GSE1: variants seen among roughly 807,000 people sequenced by gnomAD.
The protein encoded by GSE1 is Gse1 coiled-coil protein.
Under a neutral mutation model 112.6 loss-of-function variants are expected in GSE1, and 32 were observed. That is an observed-to-expected ratio of 0.28 (90% CI 0.21 to 0.38). GSE1 has a LOEUF of 0.38. GSE1 is among the 10% of genes least tolerant of loss of function. The probability of loss-of-function intolerance (pLI) is 1.00; values close to 1 mark genes in which losing one functional copy is unlikely to be tolerated. For synonymous variants in GSE1, 1,115 were observed against 735.6 expected, an observed-to-expected ratio of 1.52 and a Z score of -8.35; for missense variants, 2,348 against 1,699.2, an observed-to-expected ratio of 1.38 and a Z score of -6.71.
At chr16:85,207,829 TG>T in intron 1 of GSE1, 1 of 152,298 alleles carries the variant, frequency 6.6e-6, no homozygotes. Context: ...TGCTGGGTGC[TG>T]GGGATGTGAC....
chr16:85,171,005 C>T, exon 1 of GSE1: 1 of 985,532 alleles, frequency 1.0e-6, no homozygotes, highest in Non-Finnish European at 1.2e-6. Flanking sequence ...GATGCCCGGG[C>T]GGTCCCCTCC....
At chr16:85,504,423 C>T (rs927397937) in intron 2 of GSE1, among the ~76,000 whole-genome samples, 4 of 152,216 alleles carry the variant, frequency 2.6e-5, no homozygotes, top group Non-Finnish European at 4.4e-5. Context: ...AGGACAGCTG[C>T]AGCCCGCAGA....
At chr16:85,179,726 G>A (rs541275119) in intron 1 of GSE1, among the ~76,000 whole-genome samples, 26 of 152,286 alleles carry the variant, frequency 1.7e-4, no homozygotes, top group African/African-American at 6.0e-4. Flanking sequence ...TGAAGATGGC[G>A]ATCGTTTTTG....
chr16:85,271,581 C>T (rs1384534411), intron 1 of GSE1, among the ~76,000 whole-genome samples: 3 of 152,202 alleles, frequency 2.0e-5, no homozygotes, highest in Non-Finnish European at 4.4e-5. Flanking sequence ...CTTTGCAGCC[C>T]ACGCTGGCTT....
At chr16:85,426,471 A>T (rs1370423790) in intron 2 of GSE1, among the ~76,000 whole-genome samples, 5 of 33,520 alleles carry the variant, frequency 1.5e-4, no homozygotes, top group Non-Finnish European at 2.1e-4. Context: ...AAAGGGAGGG[A>T]GGGAGGGAGG....
At position 85,353,225 on chromosome 16, in the gene GSE1, G is replaced by A. The variant is rs191127787; in HGVS notation, c.2284-4238G>A. Reference sequence around the variant, plus strand: ...CGCAGTCTCACCTGGGGACTCGACCGGGGAAGAACCCACCTCCACACTCAC... The same window carrying A: ...CGCAGTCTCACCTGGGGACTCGACCAGGGAAGAACCCACCTCCACACTCAC... On this transcript the variant is annotated intron_variant, in intron 1 of 2. Transcript: ENST00000637419. 2.4e-3 allele frequency among the ~76,000 whole-genome samples: 362 copies of A among 152,260 alleles called. 2 individuals are homozygous for A. Among genetic ancestry groups the A allele is most frequent in the Non-Finnish European group, 4.3e-3 (295 of 68,018 alleles).
At position 85,672,386 on chromosome 16, in the gene GSE1, C is replaced by G. The variant is rs946687161; in HGVS notation, c.3520-19C>G. On this transcript the variant is annotated intron_variant, in intron 15 of 15. Coordinates refer to ENST00000253458, the MANE Select transcript of GSE1 (RefSeq NM_014615.5). ...CAGAGGAAACGGGTTGGTTTTGACA[C>G]AAATTTCCCTCTCTCCAGGAGTTGA... 3.7e-6 allele frequency: 6 copies of G among 1,600,602 alleles called. No homozygotes were observed. Among genetic ancestry groups the G allele is most frequent in the African/African-American group, 1.3e-5 (1 of 74,796 alleles).
chr16:85,316,115 A>G (rs2045980313), intron 1 of GSE1, among the ~76,000 whole-genome samples: 1 of 152,204 alleles, frequency 6.6e-6, no homozygotes, highest in African/African-American at 2.4e-5. Context: ...ATTTACCAGA[A>G]ACCTGATAGC....
intron 2 of GSE1, among the ~76,000 whole-genome samples, chr16:85,388,076 G>GTGGA (rs59285749): frequency 0.3 from 39,110 of 132,240 alleles, 6,727 homozygotes; most frequent in Middle Eastern, 0.36. Flanking sequence ...GGATGGGTGG[G>GTGGA]TGGATGGATG....
intron 2 of GSE1, among the ~76,000 whole-genome samples, chr16:85,530,305 T>G (rs1464344824): frequency 6.6e-6 from 1 of 152,244 alleles, no homozygotes; most frequent in Non-Finnish European, 1.5e-5. Context: ...AAAGGAATTA[T>G]GTTAGCCAGA....
At chr16:85,307,181 G>A (rs940633329) in intron 1 of GSE1, among the ~76,000 whole-genome samples, 6 of 152,194 alleles carry the variant, frequency 3.9e-5, no homozygotes, top group African/African-American at 9.7e-5. Context: ...CTCAGGCCTC[G>A]TTTACCTGCT....
chr16:85,237,605 G>A (rs980757845), intron 1 of GSE1, among the ~76,000 whole-genome samples: 16 of 152,062 alleles, frequency 1.1e-4, no homozygotes, highest in South Asian at 2.1e-4. Context: ...TTGGGAGGCC[G>A]AGGCGGGCAG....
intron 1 of GSE1, among the ~76,000 whole-genome samples, chr16:85,201,549 G>A (rs1272736670): frequency 6.6e-6 from 1 of 151,924 alleles, no homozygotes. Context: ...CTACTCGGGA[G>A]GCTAAGGCAG....
intron 2 of GSE1, among the ~76,000 whole-genome samples, chr16:85,380,257 G>A (rs917522896): frequency 6.6e-6 from 1 of 152,184 alleles, no homozygotes; most frequent in Non-Finnish European, 1.5e-5. Context: ...GAGAGGTGGA[G>A]GCTGTGACTT....
upstream of GSE1, among the ~76,000 whole-genome samples, chr16:85,608,802 C>T (rs754687312): frequency 6.6e-5 from 10 of 152,204 alleles, no homozygotes; most frequent in Non-Finnish European, 8.8e-5. Context: ...GTGATCTTTA[C>T]CTCCTGGCCC....
At chr16:85,626,354 C>G (rs554542740) in intron 1 of GSE1, among the ~76,000 whole-genome samples, 2 of 152,246 alleles carry the variant, frequency 1.3e-5, no homozygotes, top group African/African-American at 4.8e-5. Context: ...CAGCCTCAGC[C>G]GCCAGGGTCT....
chr16:85,605,844 C>A lies in GSE1; in HGVS notation c.38-42708C>A, dbSNP rs143905417. Reference sequence around the variant, plus strand: ...ATTGTAGGTGATCAGAAGCCTCAAACAGCAGGCTGGGCTCATGGGCGGCCC... The same window carrying A: ...ATTGTAGGTGATCAGAAGCCTCAAAAAGCAGGCTGGGCTCATGGGCGGCCC... On this transcript the variant is annotated intron_variant, in intron 1 of 2. Transcript: ENST00000635906. Among the ~76,000 whole-genome samples the A allele has an allele frequency of 4.5e-3, 687 of 152,032 alleles. 14 individuals are homozygous for A. Among genetic ancestry groups the A allele is most frequent in the African/African-American group, 0.016 (654 of 41,300 alleles).
intron 1 of GSE1, chr16:85,593,156 A>G (rs909409701): frequency 6.6e-6 from 1 of 152,454 alleles, no homozygotes; most frequent in East Asian, 1.9e-4. Flanking sequence ...AGCTGGGGGC[A>G]ACCGTGGGCA....
chr16:85,661,266 C>T lies in GSE1; in HGVS notation c.1761C>T (p.Pro587=), dbSNP rs751476143. The stretch of plus-strand genomic sequence containing the variant: ...CTGCACCCACGGCCCTCTGGAACCC[C>T]GTGTCCCTGATGGACAACACCTTGG... ...LHAAPTALWN[P]VSLMDNTLET... Residue 587 remains proline, a synonymous_variant, in exon 9 of 16, where the codon CCC becomes CCT. Transcript: ENST00000253458. 202 of 1,612,830 alleles carry T rather than the reference C, an allele frequency of 1.3e-4. No individual in the cohort carries two copies. Among genetic ancestry groups the T allele is most frequent in the Non-Finnish European group, 1.5e-4 (175 of 1,179,996 alleles).
Sources: gnomAD v4.1 joint callset for allele counts (sites outside exome capture counted in the v4.1 genomes callset) on GRCh38, gnomAD v4.1.1 for gene constraint, MANE v1.5 for transcripts, NCBI Gene and HGNC (gene_info 2026-07-23, HGNC 2026-07-21) for gene names.